PDGFD: variants seen among roughly 807,000 people sequenced by gnomAD.
PDGFD encodes the protein platelet-derived growth factor D.
A neutral mutation model predicts 44.7 loss-of-function variants in PDGFD; 30 were observed. The ratio of observed to expected loss-of-function variants is 0.67; its 90% confidence interval spans 0.50 to 0.91. The LOEUF (loss-of-function observed/expected upper bound fraction) is 0.91. PDGFD is among the 40% of genes least tolerant of loss of function. The pLI, the probability that PDGFD is intolerant of heterozygous loss-of-function variation, is 0.00. For synonymous variants in PDGFD, 173 were observed against 168.4 expected (o/e 1.03, Z -0.21); for missense variants, 445 against 457.8 (o/e 0.97, Z 0.25).
intron 1 of PDGFD, among the ~76,000 whole-genome samples, chr11:104,030,682 A>G (rs1236001265): frequency 2.0e-5 from 3 of 152,222 alleles, no homozygotes. Flanking sequence ...AAAAATATGA[A>G]CAGAAAAATG....
chr11:103,929,046 GA>G (rs1858360607), intron 5 of PDGFD, among the ~76,000 whole-genome samples: 1 of 152,170 alleles, frequency 6.6e-6, no homozygotes, highest in Non-Finnish European at 1.5e-5. Context: ...TGATGTGTGA[GA>G]AGGCAGAGAG....
chr11:104,021,262 A>G lies in PDGFD; in HGVS notation c.125-21007T>C, dbSNP rs1287785696. On this transcript the variant is annotated intron_variant, in intron 1 of 6. Transcript: ENST00000393158. Reference sequence around the variant, plus strand: ...CAGAGAATTATTCTAGAGCTGCCTTACACAGCATTGTTTTGAGAGAGAAAA... The same window carrying G: ...CAGAGAATTATTCTAGAGCTGCCTTGCACAGCATTGTTTTGAGAGAGAAAA... Among the ~76,000 whole-genome samples, 4 of 152,208 alleles carry G rather than the reference A, an allele frequency of 2.6e-5. 1 individual carries two copies. The highest frequency in any genetic ancestry group is 5.9e-5 in the Non-Finnish European group (4 of 68,032).
intron 3 of PDGFD, among the ~76,000 whole-genome samples, chr11:103,992,206 G>A (rs11226106): frequency 6.6e-6 from 1 of 152,070 alleles, no homozygotes; most frequent in East Asian, 1.9e-4. Context: ...AAAATGAAAT[G>A]AGGCAAATTT....
At chr11:104,009,658 C>G (rs1859754283) in intron 1 of PDGFD, among the ~76,000 whole-genome samples, 1 of 151,924 alleles carries the variant, frequency 6.6e-6, no homozygotes, top group Admixed American at 6.6e-5. Context: ...ATGAATAGGT[C>G]AATTTGTACA....
intron 1 of PDGFD, among the ~76,000 whole-genome samples, chr11:104,099,927 G>A (rs1239900121): frequency 1.3e-5 from 2 of 152,038 alleles, no homozygotes; most frequent in African/African-American, 2.4e-5. Context: ...TCTGCAAAAT[G>A]CTAATGGGTA....
intron 1 of PDGFD, among the ~76,000 whole-genome samples, chr11:104,124,925 G>C (rs934447542): frequency 6.6e-6 from 1 of 152,030 alleles, no homozygotes; most frequent in Non-Finnish European, 1.5e-5. Context: ...TTTTACGTCA[G>C]GTGAGTCACA....
rs141302324 is a variant in PDGFD at position 104,144,434 on chromosome 11, C to T, written c.124+19370G>A. Among the ~76,000 whole-genome samples the T allele has an allele frequency of 8.3e-3, 1,152 of 139,118 alleles. 12 individuals carry two copies. Among genetic ancestry groups the T allele is most frequent in the Middle Eastern group, 0.023 (6 of 256 alleles). 91.3% of individuals were successfully genotyped at this position (139,118 alleles called of 152,430 possible). A position where few individuals can be genotyped will look rare whatever the true frequency, so the allele number is the denominator to read the frequency against. ...GGCAGGAGAATCGCTTGAACCCAGG[C>T]GGCAGAAGTTGCAGTGAGCTGAGAT... On this transcript the variant is annotated intron_variant, in intron 1 of 6. Coordinates refer to ENST00000393158, the MANE Select transcript of PDGFD (RefSeq NM_025208.5).
intron 1 of PDGFD, among the ~76,000 whole-genome samples, chr11:104,006,415 T>C (rs955491752): frequency 1.3e-5 from 2 of 152,234 alleles, no homozygotes; most frequent in African/African-American, 2.4e-5. Flanking sequence ...GTTTTTCATT[T>C]TGTGTCCTTG....
chr11:103,968,739 C>T (rs555067467), intron 3 of PDGFD, among the ~76,000 whole-genome samples: 2 of 152,278 alleles, frequency 1.3e-5, no homozygotes, highest in East Asian at 3.9e-4. Context: ...TCTTCAAAAG[C>T]AAAATCGAAA....
Position 104,000,122 on chromosome 11 carries a change from C to T in PDGFD, c.258G>A (p.Gln86=), listed in dbSNP as rs202134677. 3 of 1,614,058 alleles carry T rather than the reference C, an allele frequency of 1.9e-6. No individual in the cohort carries two copies. The highest frequency in any genetic ancestry group is 1.7e-4 in the Middle Eastern group (1 of 6,058). Reference sequence around the variant, plus strand: ...ACACTAGCTGTATCCGTGTATTCTCCTGAGAGTGAAGCCGCCATGTCAGGA... The same window carrying T: ...ACACTAGCTGTATCCGTGTATTCTCTTGAGAGTGAAGCCGCCATGTCAGGA... ...NLLLTWRLHS[Q]ENTRIQLVFD... The change falls in exon 2 of 7, where the codon CAG becomes CAA. Residue 86 remains glutamine (Q), a synonymous_variant. Coordinates refer to ENST00000393158, the MANE Select transcript of PDGFD (RefSeq NM_025208.5).
chr11:104,034,487 C>G (rs1236771391), intron 1 of PDGFD, among the ~76,000 whole-genome samples: 1 of 152,146 alleles, frequency 6.6e-6, no homozygotes, highest in Non-Finnish European at 1.5e-5. Flanking sequence ...ACTTCCTTCT[C>G]TCCATAATGG....
intron 1 of PDGFD, among the ~76,000 whole-genome samples, chr11:104,109,975 C>T (rs1861528957): frequency 6.6e-6 from 1 of 151,970 alleles, no homozygotes; most frequent in South Asian, 2.1e-4. Flanking sequence ...ATAACAGCTC[C>T]TATCACATTA....
chr11:104,066,099 AAGC>A (rs1860787568), intron 1 of PDGFD, among the ~76,000 whole-genome samples: 1 of 152,196 alleles, frequency 6.6e-6, no homozygotes, highest in African/African-American at 2.4e-5. Flanking sequence ...TTGAAACATA[AAGC>A]AGCAGCAGCA....
chr11:104,076,478 C>T (rs868037107), intron 1 of PDGFD, among the ~76,000 whole-genome samples: 99 of 152,246 alleles, frequency 6.5e-4, no homozygotes, highest in African/African-American at 2.1e-3. Flanking sequence ...GCAAGTTTCA[C>T]ATGAGAATTT....
At chr11:104,015,416 A>C (rs1859846445) in intron 1 of PDGFD, among the ~76,000 whole-genome samples, 2 of 152,214 alleles carry the variant, frequency 1.3e-5, no homozygotes, top group Non-Finnish European at 2.9e-5. Context: ...AATCTGAGAA[A>C]AAAGACCAAT....
At chr11:104,041,643 C>A (rs938342339) in intron 1 of PDGFD, among the ~76,000 whole-genome samples, 1 of 152,118 alleles carries the variant, frequency 6.6e-6, no homozygotes, top group Admixed American at 6.5e-5. Context: ...ATCTTACCTA[C>A]AAGAAAATCA....
intron 1 of PDGFD, among the ~76,000 whole-genome samples, chr11:104,113,998 C>A (rs1861597395): frequency 3.9e-5 from 6 of 151,978 alleles, no homozygotes; most frequent in Admixed American, 3.9e-4. Context: ...AATAACAGTG[C>A]TTTAACAGAT....
chr11:104,126,312 G>A (rs966414500), intron 1 of PDGFD, among the ~76,000 whole-genome samples: 1 of 152,086 alleles, frequency 6.6e-6, no homozygotes, highest in African/African-American at 2.4e-5. Flanking sequence ...ACACAGGGAC[G>A]CCCTCCTCCA....
chr11:104,032,015 A>C (rs900504775), intron 1 of PDGFD, among the ~76,000 whole-genome samples: 1 of 152,114 alleles, frequency 6.6e-6, no homozygotes, highest in Non-Finnish European at 1.5e-5. Flanking sequence ...GGCAGGGGAG[A>C]GCATGAGGAA....
Sources: allele counts gnomAD v4.1 joint callset (sites outside exome capture counted in the v4.1 genomes callset), GRCh38; gene constraint gnomAD v4.1.1; transcripts MANE v1.5; gene names NCBI Gene and HGNC (gene_info 2026-07-23, HGNC 2026-07-21).